Variants in SYCP1 observed in about 807,000 individuals in gnomAD.
SYCP1 encodes cancer/testis antigen 8.
A neutral mutation model predicts 153.1 loss-of-function variants in SYCP1; 64 were observed. That is an observed-to-expected ratio of 0.42 (90% CI 0.34 to 0.51). SYCP1 has a LOEUF of 0.51. Among genes scored for constraint, SYCP1 ranks in the 20% least tolerant of loss-of-function variants. The pLI, the probability that SYCP1 is intolerant of heterozygous loss-of-function variation, is 0.06. For synonymous variants in SYCP1, 384 were observed against 341.8 expected, an observed-to-expected ratio of 1.12 and a Z score of -1.36; for missense variants, 997 against 1,049.0, an observed-to-expected ratio of 0.95 and a Z score of 0.68.
chr1:114,908,201 T>A (rs1191124895), intron 16 of SYCP1, among the ~76,000 whole-genome samples: 4 of 151,280 alleles, frequency 2.6e-5, no homozygotes, highest in Non-Finnish European at 5.9e-5. Flanking sequence ...TTTTTTGTTA[T>A]AGGATTGTGG....
chr1:114,926,378 A>T, intron 22 of SYCP1, 38 bp downstream of exon 22: 1 of 1,505,558 alleles, frequency 6.6e-7, no homozygotes, highest in South Asian at 1.4e-5. Context: ...AATCAAACTG[A>T]TATTTTCACC....
At chr1:114,974,875 C>T (rs1672712820) in intron 27 of SYCP1, among the ~76,000 whole-genome samples, 1 of 151,710 alleles carries the variant, frequency 6.6e-6, no homozygotes, top group Non-Finnish European at 1.5e-5. Context: ...GATCATATGG[C>T]AACTGTATCA....
intron 14 of SYCP1, among the ~76,000 whole-genome samples, chr1:114,887,339 G>A (rs748890939): frequency 2.6e-5 from 4 of 151,836 alleles, no homozygotes; most frequent in African/African-American, 4.8e-5. Context: ...TCTAGGATGC[G>A]TTAATCTGAT....
At chr1:114,888,381 T>C (rs1422922578) in intron 15 of SYCP1, among the ~76,000 whole-genome samples, 2 of 152,024 alleles carry the variant, frequency 1.3e-5, no homozygotes, top group African/African-American at 4.8e-5. Context: ...TAAGCTTTAT[T>C]ATTAGATTTA....
intron 20 of SYCP1, among the ~76,000 whole-genome samples, chr1:114,916,683 A>G (rs1668530253): frequency 6.6e-6 from 1 of 151,394 alleles, no homozygotes; most frequent in Non-Finnish European, 1.5e-5. Context: ...TAAGCTTCTA[A>G]AAATATATTA....
rs530468840 is a variant in SYCP1, at chr1:114,975,694, C to A, written c.2323-1863C>A. On this transcript the variant is annotated intron_variant, in intron 27 of 31. Transcript: ENST00000369522. The stretch of plus-strand genomic sequence containing the variant: ...TAGGAAACTGTTACTAGATGACTGT[C>A]TTAACTTCTAATTAAAATAGATTGG... Among the ~76,000 whole-genome samples, 15 of 151,802 alleles carry A rather than the reference C, an allele frequency of 9.9e-5. No homozygotes were observed. The East Asian group carries it at 2.9e-3, about 29-fold the overall frequency.
At position 114,913,865 on chromosome 1, in the gene SYCP1, T is replaced by C; in HGVS notation, c.1648-110T>C. On this transcript the variant is annotated intron_variant, in intron 19 of 31. Coordinates refer to ENST00000369522, the MANE Select transcript of SYCP1 (RefSeq NM_003176.4). The stretch of plus-strand genomic sequence containing the variant: ...AGTTGAAAAGCCCATTTTTTTGCTT[T>C]ATATATAACTAAATAAATTTTATGC... 5.2e-6 allele frequency: 4 copies of C among 768,134 alleles called. No homozygotes were observed. The South Asian group carries it at 1.0e-4, about 19-fold the overall frequency. The allele number at this position is 768,134 out of a possible 1,614,324, so 47.6% of individuals were successfully genotyped here.
At chr1:114,949,136 G>T (rs1670932179) in intron 27 of SYCP1, among the ~76,000 whole-genome samples, 1 of 152,184 alleles carries the variant, frequency 6.6e-6, no homozygotes, top group Non-Finnish European at 1.5e-5. Flanking sequence ...AAAATGAAAT[G>T]ATGTACAAGC....
chr1:114,856,940 A>AAAAAAAAAAAAAG (rs1663999273), intron 3 of SYCP1, among the ~76,000 whole-genome samples: 1 of 146,928 alleles, frequency 6.8e-6, no homozygotes, highest in Non-Finnish European at 1.5e-5. Context: ...AAAAAAAAAA[A>AAAAAAAAAAAAAG]AAAAACCAGC....
Position 114,985,600 on chromosome 1 carries a change from T to A in SYCP1, c.2703+732T>A, listed in dbSNP as rs374910627. ...ATTCCCACTTATAACTAGAAGATCC[T>A]TCAAGCTTTTCTACTACTTTGGGAC... On this transcript the variant is annotated intron_variant, in intron 30 of 31. Transcript: ENST00000369522. 3.9e-5 allele frequency among the ~76,000 whole-genome samples: 6 copies of A among 151,956 alleles called. No homozygotes were observed. The East Asian group carries it at 1.2e-3, about 29-fold the overall frequency.
intron 30 of SYCP1, among the ~76,000 whole-genome samples, chr1:114,991,090 A>G (rs1231269017): frequency 6.6e-6 from 1 of 151,946 alleles, no homozygotes; most frequent in Non-Finnish European, 1.5e-5. Flanking sequence ...TTAGCAGATC[A>G]TCTGGCACAG....
Position 114,883,375 on chromosome 1 carries a change from G to A in SYCP1, c.911-2160G>A, listed in dbSNP as rs565781124. Among the ~76,000 whole-genome samples the A allele has an allele frequency of 3.9e-5, 6 of 152,214 alleles. No individual in the cohort carries two copies. In the South Asian group the frequency reaches 1.2e-3, roughly 32 times the overall value. On this transcript the variant is annotated intron_variant, in intron 12 of 31. Coordinates refer to ENST00000369522, the MANE Select transcript of SYCP1 (RefSeq NM_003176.4). ...AAATATGAAATCTTTGTAGATCTAAGTTGGCCTTTTGTTCATTTTGCTGAC... is the reference window on the plus strand; with the variant it reads ...AAATATGAAATCTTTGTAGATCTAAATTGGCCTTTTGTTCATTTTGCTGAC...
At chr1:114,938,824 A>G (rs1303906722) in intron 23 of SYCP1, among the ~76,000 whole-genome samples, 2 of 152,142 alleles carry the variant, frequency 1.3e-5, no homozygotes, top group Non-Finnish European at 2.9e-5. Flanking sequence ...AATATGCTTA[A>G]TATCAGTAAT....
chr1:114,915,287 G>C (rs1373432543), intron 20 of SYCP1, among the ~76,000 whole-genome samples: 1 of 152,014 alleles, frequency 6.6e-6, no homozygotes, highest in Non-Finnish European at 1.5e-5. Flanking sequence ...TTTCAGTGTT[G>C]GTTACCTATA....
chr1:114,908,782 A>G (rs1045960040), intron 16 of SYCP1, among the ~76,000 whole-genome samples: 3 of 152,164 alleles, frequency 2.0e-5, no homozygotes, highest in Non-Finnish European at 4.4e-5. Context: ...AATTAGCTGC[A>G]TTAAAGTTCT....
intron 12 of SYCP1, among the ~76,000 whole-genome samples, 163 bp downstream of exon 12, chr1:114,878,365 C>G (rs1665685438): frequency 6.6e-6 from 1 of 151,966 alleles, no homozygotes; most frequent in Non-Finnish European, 1.5e-5. Flanking sequence ...ACCTGGGGAG[C>G]TTTTGTAAAA....
chr1:114,959,760 T>C (rs1416503887), intron 27 of SYCP1, among the ~76,000 whole-genome samples: 1 of 152,028 alleles, frequency 6.6e-6, no homozygotes, highest in East Asian at 1.9e-4. Context: ...CAGCCTCTGA[T>C]AATCATCCTT....
At chr1:114,943,107 C>T (rs563873943) in intron 23 of SYCP1, among the ~76,000 whole-genome samples, 14 of 152,046 alleles carry the variant, frequency 9.2e-5, no homozygotes, top group Admixed American at 6.5e-4. Context: ...ACACTATCAA[C>T]TCTTGGTGAA....
At chr1:114,939,824 G>GTA (rs1022722489) in intron 23 of SYCP1, among the ~76,000 whole-genome samples, 2 of 152,120 alleles carry the variant, frequency 1.3e-5, no homozygotes, top group African/African-American at 4.8e-5. Flanking sequence ...AAGCTACTGG[G>GTA]CCTAGAGTTC....
Sources: gnomAD v4.1 joint callset for allele counts (sites outside exome capture counted in the v4.1 genomes callset) on GRCh38, gnomAD v4.1.1 for gene constraint, MANE v1.5 for transcripts, NCBI Gene and HGNC (gene_info 2026-07-23, HGNC 2026-07-21) for gene names.